The following RANBP10 variants were observed in gnomAD, a reference collection of about 807,000 sequenced individuals.
RANBP10 encodes the protein ran-binding protein 10.
A neutral mutation model predicts 72.8 loss-of-function variants in RANBP10; 24 were observed. The ratio of observed to expected loss-of-function variants is 0.33; its 90% CI spans 0.24 to 0.46. The LOEUF is 0.46. Ranked by LOEUF, RANBP10 falls within the 20% of genes least tolerant of loss-of-function variation. The pLI is 1.00. For missense variants in RANBP10, 679 were observed against 817.5 expected (o/e 0.83, Z 2.07); for synonymous variants, 310 against 322.3 (o/e 0.96, Z 0.41).
At chr16:67,787,321 G>A (rs149831524) in intron 2 of RANBP10, among the ~76,000 whole-genome samples, 44 of 152,222 alleles carry the variant, frequency 2.9e-4, no homozygotes, top group African/African-American at 1.0e-3. Flanking sequence ...AGGAGTTCAA[G>A]ACCAGACTAG....
At chr16:67,770,354 A>T (rs1255626693) in intron 3 of RANBP10, among the ~76,000 whole-genome samples, 1 of 152,006 alleles carries the variant, frequency 6.6e-6, no homozygotes, top group Non-Finnish European at 1.5e-5. Flanking sequence ...CACTCAGATC[A>T]ATCAAAGGGG....
In RANBP10 at chr16:67,747,205, T is replaced by A. The variant is rs1436633314; in HGVS notation, c.401-2750A>T. ...TTTACTATTCTCAGTTTATTTTTTT[T>A]AATTTTGGCCTTTTAGTGTATATAT... On this transcript the variant is annotated intron_variant, in intron 3 of 13. Transcript: ENST00000317506. Among the ~76,000 whole-genome samples, 7 of 152,210 alleles carry A rather than the reference T, an allele frequency of 4.6e-5. 1 individual carries two copies. The highest frequency in any genetic ancestry group is 1.9e-4 in the East Asian group (1 of 5,202).
intron 2 of RANBP10, among the ~76,000 whole-genome samples, chr16:67,786,634 T>C (rs1238834523): frequency 6.6e-6 from 1 of 152,140 alleles, no homozygotes; most frequent in Non-Finnish European, 1.5e-5. Flanking sequence ...TAGCTATAAT[T>C]TAAAAGTTCC....
intron 2 of RANBP10, among the ~76,000 whole-genome samples, chr16:67,793,738 C>T (rs1166402432): frequency 6.6e-6 from 1 of 152,096 alleles, no homozygotes; most frequent in Non-Finnish European, 1.5e-5. Flanking sequence ...ATATATTAAA[C>T]CCCTTTCTAC....
In RANBP10 at chr16:67,772,090, C is replaced by CAAAAAAAAAAA. The variant is rs35741053; in HGVS notation, c.348-15_348-5dup. ...CGAGAGTCCTATTCCCATGTAACTT[C>CAAAAAAAAAAA]AAAAAAAAAAAAAAAAAAAACACAA... On this transcript the variant is annotated splice_polypyrimidine_tract_variant and splice_region_variant and intron_variant, in intron 2 of 13. Coordinates refer to ENST00000317506, the MANE Select transcript of RANBP10 (RefSeq NM_020850.3). 5 of 1,316,416 alleles carry CAAAAAAAAAAA rather than the reference C, an allele frequency of 3.8e-6. No homozygotes were observed. The highest frequency in any genetic ancestry group is 3.6e-5 in the Admixed American group (1 of 27,584). 81.5% of individuals were successfully genotyped at this position (1,316,416 alleles called of 1,614,324 possible). A position where few individuals can be genotyped will look rare whatever the true frequency, so the allele number is the denominator to read the frequency against.
chr16:67,751,614 G>C (rs1048916973), intron 3 of RANBP10, among the ~76,000 whole-genome samples: 5 of 151,920 alleles, frequency 3.3e-5, no homozygotes, highest in African/African-American at 1.2e-4. Context: ...AACAGAGCAA[G>C]ATGTTGTCTC....
intron 6 of RANBP10, among the ~76,000 whole-genome samples, chr16:67,732,440 T>C (rs2053751680): frequency 6.6e-6 from 1 of 152,154 alleles, no homozygotes; most frequent in African/African-American, 2.4e-5. Context: ...TCTGATGTCA[T>C]TACTGTAACT....
chr16:67,734,830 T>C (rs775630206), intron 6 of RANBP10, 28 bp downstream of exon 6: 1 of 1,508,024 alleles, frequency 6.6e-7, no homozygotes, highest in Non-Finnish European at 8.9e-7. Flanking sequence ...GGGGTGGGAG[T>C]GGGTAAGGGC....
intron 2 of RANBP10, among the ~76,000 whole-genome samples, chr16:67,775,027 C>A (rs2054675388): frequency 6.6e-6 from 1 of 152,096 alleles, no homozygotes; most frequent in African/African-American, 2.4e-5. Context: ...ATATGAAAAA[C>A]CTGGCTGGGC....
At chr16:67,797,979 G>C in intron 2 of RANBP10, among the ~76,000 whole-genome samples, 1 of 121,366 alleles carries the variant, frequency 8.2e-6, no homozygotes, top group South Asian at 2.6e-4. Flanking sequence ...GACAGAGAGA[G>C]ACCCTCTCTC....
chr16:67,764,611 A>G (rs1477988787), intron 3 of RANBP10, among the ~76,000 whole-genome samples: 1 of 152,218 alleles, frequency 6.6e-6, no homozygotes, highest in Non-Finnish European at 1.5e-5. Flanking sequence ...ATCACCTCCC[A>G]TAGGGCTTGT....
At chr16:67,783,712 G>A (rs557852994) in intron 2 of RANBP10, among the ~76,000 whole-genome samples, 1 of 152,242 alleles carries the variant, frequency 6.6e-6, no homozygotes, top group East Asian at 1.9e-4. Flanking sequence ...GCAAACCCAA[G>A]ATGAGGAAGA....
At chr16:67,804,092 T>G (rs1027656031) in intron 2 of RANBP10, among the ~76,000 whole-genome samples, 1 of 151,824 alleles carries the variant, frequency 6.6e-6, no homozygotes, top group Non-Finnish European at 1.5e-5. Context: ...TGGCCAAGCA[T>G]TTTGCATGCA....
intron 3 of RANBP10, among the ~76,000 whole-genome samples, chr16:67,753,197 T>A (rs1273673587): frequency 4.9e-5 from 6 of 121,296 alleles, no homozygotes; most frequent in Admixed American, 9.3e-5. Context: ...CAGAGAGAAA[T>A]CTCATCTTAA....
chr16:67,797,289 A>G (rs1484668018), intron 2 of RANBP10, among the ~76,000 whole-genome samples: 1 of 152,248 alleles, frequency 6.6e-6, no homozygotes, highest in Non-Finnish European at 1.5e-5. Flanking sequence ...GGCCCCAGCT[A>G]TAAAGAAGGC....
chr16:67,787,144 T>C (rs1480449494), intron 2 of RANBP10, among the ~76,000 whole-genome samples: 6 of 151,808 alleles, frequency 4.0e-5, no homozygotes, highest in Non-Finnish European at 7.4e-5. Flanking sequence ...GAGGCTGAGG[T>C]GGGAGAATCA....
intron 3 of RANBP10, among the ~76,000 whole-genome samples, chr16:67,758,414 T>C (rs1368672610): frequency 6.6e-6 from 1 of 152,204 alleles, no homozygotes; most frequent in Non-Finnish European, 1.5e-5. Context: ...GGGAAAGTCA[T>C]TGGATGGGTG....
intron 10 of RANBP10, among the ~76,000 whole-genome samples, chr16:67,728,978 G>A (rs1271391383): frequency 6.6e-6 from 1 of 152,268 alleles, no homozygotes; most frequent in Non-Finnish European, 1.5e-5. Context: ...GCCAGGGAAA[G>A]CTCCCTCATG....
chr16:67,747,752 G>A (rs557454570), intron 3 of RANBP10, among the ~76,000 whole-genome samples: 3 of 150,858 alleles, frequency 2.0e-5, no homozygotes, highest in Non-Finnish European at 2.9e-5. Context: ...TGATCCACCC[G>A]CCTCGGCCTC....
Sources: gnomAD v4.1 joint callset for allele counts (sites outside exome capture counted in the v4.1 genomes callset) on GRCh38, gnomAD v4.1.1 for gene constraint, MANE v1.5 for transcripts, NCBI Gene and HGNC (gene_info 2026-07-23, HGNC 2026-07-21) for gene names.